The following SOX6 variants were observed in gnomAD, a reference collection of about 807,000 sequenced individuals.
SOX6 encodes SRY-box transcription factor 6, also known as transcription factor SOX-6.
A neutral mutation model predicts 97.8 loss-of-function variants in SOX6; 11 were observed. The observed-to-expected ratio is 0.11, with a 90% CI of 0.07 to 0.19. The LOEUF is 0.19. Among genes scored for constraint, SOX6 ranks in the 10% least tolerant of loss-of-function variants. The pLI, the probability that SOX6 is intolerant of heterozygous loss-of-function variation, is 1.00. For missense variants in SOX6, 810 were observed against 1,039.5 expected (o/e 0.78, Z 3.04); for synonymous variants, 360 against 371.4 (o/e 0.97, Z 0.35).
chr11:16,128,721 T>C (rs1447058631), intron 6 of SOX6, among the ~76,000 whole-genome samples: 3 of 152,140 alleles, frequency 2.0e-5, no homozygotes, highest in African/African-American at 7.2e-5. Flanking sequence ...TAGGCCTAAC[T>C]ACTACATTTG....
intron 1 of SOX6, among the ~76,000 whole-genome samples, chr11:16,395,583 C>A (rs1858330631): frequency 6.6e-6 from 1 of 151,614 alleles, no homozygotes; most frequent in African/African-American, 2.4e-5. Context: ...CTGAGGCTGG[C>A]AATAGAGGGG....
At chr11:15,994,951 T>C (rs1854178571) in intron 13 of SOX6, among the ~76,000 whole-genome samples, 2 of 152,192 alleles carry the variant, frequency 1.3e-5, no homozygotes, top group African/African-American at 4.8e-5. Flanking sequence ...TTTTACTAAA[T>C]GAAATTCTGT....
At chr11:16,419,041 G>A (rs947097261) in intron 1 of SOX6, among the ~76,000 whole-genome samples, 11 of 152,190 alleles carry the variant, frequency 7.2e-5, no homozygotes, top group East Asian at 1.9e-4. Context: ...TGGGAATTAT[G>A]GAAACTCCAT....
chr11:16,426,255 CAAAAAAAAAAAAAAAAAAAAAAAAA>C (rs869158484), intron 1 of SOX6, among the ~76,000 whole-genome samples: 4 of 29,256 alleles, frequency 1.4e-4, no homozygotes, highest in Admixed American at 7.2e-4. Context: ...GACTCCATCT[CAAAAAAAAAAAAAAAAAAAAAAAAA>C]AAAAAAAAAA....
chr11:16,513,012 G>T (rs1274029870), intron 4 of SOX6, among the ~76,000 whole-genome samples: 1 of 152,138 alleles, frequency 6.6e-6, no homozygotes, highest in Non-Finnish European at 1.5e-5. Context: ...CATATGGAAA[G>T]GAAGCAATGA....
chr11:16,102,096 G>C (rs946664868), intron 7 of SOX6, among the ~76,000 whole-genome samples: 3 of 151,808 alleles, frequency 2.0e-5, no homozygotes, highest in Non-Finnish European at 4.4e-5. Flanking sequence ...AAGTGTCGCT[G>C]TTTGCTCATG....
chr11:16,189,084 T>A (rs1851561239), intron 4 of SOX6, among the ~76,000 whole-genome samples: 1 of 151,904 alleles, frequency 6.6e-6, no homozygotes, highest in East Asian at 1.9e-4. Flanking sequence ...AACAAAAAAA[T>A]TGAAGAGACA....
At chr11:16,244,949 A>AT (rs1565044035) in intron 3 of SOX6, among the ~76,000 whole-genome samples, 1 of 151,730 alleles carries the variant, frequency 6.6e-6, no homozygotes, top group Non-Finnish European at 1.5e-5. Flanking sequence ...GGTCCTTTGC[A>AT]TTTTCAGATA....
rs543912762 is a variant in SOX6, at chr11:16,580,629, T to C, written n.609+31452A>G. ...GATTGGATAAAGAAAATATGTTGCA[T>C]CCACAAAAGAAACTATCATCAGAGT... is the stretch of plus-strand genomic sequence containing the variant. On this transcript the variant is annotated intron_variant and non_coding_transcript_variant, in intron 4 of 5. Coordinates refer to the SOX6 transcript ENST00000524520. 3.3e-5 allele frequency among the ~76,000 whole-genome samples: 5 copies of C among 152,104 alleles called. No homozygotes were observed. The South Asian group carries it at 1.0e-3, about 32-fold the overall frequency.
At chr11:16,459,495 G>C (rs1490107050) in intron 1 of SOX6, among the ~76,000 whole-genome samples, 3 of 151,918 alleles carry the variant, frequency 2.0e-5, no homozygotes, top group African/African-American at 7.2e-5. Flanking sequence ...TCAATCAATT[G>C]AAACTGATCC....
At chr11:16,728,034 CTT>C (rs988248960) in intron 2 of SOX6, among the ~76,000 whole-genome samples, 32 of 152,288 alleles carry the variant, frequency 2.1e-4, no homozygotes, top group Middle Eastern at 6.8e-3. Flanking sequence ...GACTGCCTCT[CTT>C]GATTCCTCCA....
chr11:16,531,800 C>T (rs1861239941), intron 4 of SOX6, among the ~76,000 whole-genome samples: 1 of 151,884 alleles, frequency 6.6e-6, no homozygotes. Context: ...GTATTTCTTT[C>T]TGAATATACA....
At chr11:16,647,607 C>A (rs1390519371) in intron 3 of SOX6, among the ~76,000 whole-genome samples, 1 of 152,070 alleles carries the variant, frequency 6.6e-6, no homozygotes, top group Non-Finnish European at 1.5e-5. Flanking sequence ...ACTAGAAAAA[C>A]CAAAAGAATT....
chr11:16,626,753 A>T (rs1421663598), intron 3 of SOX6, among the ~76,000 whole-genome samples: 1 of 152,192 alleles, frequency 6.6e-6, no homozygotes, highest in East Asian at 1.9e-4. Flanking sequence ...GGTCTTAATC[A>T]TATTTCATTA....
intron 12 of SOX6, among the ~76,000 whole-genome samples, chr11:16,041,924 C>T (rs1855679810): frequency 6.6e-6 from 1 of 152,056 alleles, no homozygotes; most frequent in South Asian, 2.1e-4. Context: ...GACTCATTCA[C>T]TAGTGGAGAG....
chr11:16,089,163 G>A (rs1848632724), intron 9 of SOX6, among the ~76,000 whole-genome samples: 1 of 152,114 alleles, frequency 6.6e-6, no homozygotes. Context: ...TGAAGAGAGA[G>A]GCCTTAGGAA....
At chr11:16,201,302 C>T (rs893845322) in intron 4 of SOX6, among the ~76,000 whole-genome samples, 6 of 152,058 alleles carry the variant, frequency 3.9e-5, no homozygotes, top group Non-Finnish European at 8.8e-5. Context: ...AACTTGTTCT[C>T]ATTTAATGTC....
At chr11:16,482,359 T>C (rs1395035215) in intron 4 of SOX6, among the ~76,000 whole-genome samples, 1 of 152,180 alleles carries the variant, frequency 6.6e-6, no homozygotes, top group Non-Finnish European at 1.5e-5. Context: ...TTAAGAAACA[T>C]TGGCTCACTG....
At chr11:16,519,988 A>G (rs567943761) in intron 4 of SOX6, among the ~76,000 whole-genome samples, 150 of 152,258 alleles carry the variant, frequency 9.9e-4, no homozygotes, top group Non-Finnish European at 1.9e-3. Flanking sequence ...TTGGCCACTT[A>G]CATGTCTTCT....
Sources: gnomAD v4.1 joint callset for allele counts (sites outside exome capture counted in the v4.1 genomes callset) on GRCh38, gnomAD v4.1.1 for gene constraint, MANE v1.5 for transcripts, NCBI Gene and HGNC (gene_info 2026-07-23, HGNC 2026-07-21) for gene names.